Variants in RC3H2 observed in about 807,000 individuals in gnomAD.
The protein encoded by RC3H2 is ring finger and CCCH-type domains 2.
Under a neutral mutation model 133.3 loss-of-function variants are expected in RC3H2, and 31 were observed. The ratio of observed to expected loss-of-function variants is 0.23; its 90% confidence interval spans 0.17 to 0.31. The LOEUF (loss-of-function observed/expected upper bound fraction) is 0.31. Among genes scored for constraint, RC3H2 ranks in the 10% least tolerant of loss-of-function variants. RC3H2 has a pLI of 1.00. For synonymous variants in RC3H2, 517 were observed against 502.2 expected (o/e 1.03, Z -0.40); for missense variants, 1,175 against 1,437.2 (o/e 0.82, Z 2.95).
At chr9:122,863,404 C>A (rs1830529107) in intron 10 of RC3H2, among the ~76,000 whole-genome samples, 1 of 152,184 alleles carries the variant, frequency 6.6e-6, no homozygotes, top group Non-Finnish European at 1.5e-5. Flanking sequence ...TTATACCAGT[C>A]CCTAATATAA....
rs1447564971 is a variant in RC3H2, at chr9:122,879,974, T to C, written c.1093+19A>G. 6.2e-7 allele frequency: 1 copy of C among 1,613,780 alleles called. No individual in the cohort carries two copies. Among genetic ancestry groups the C allele is most frequent in the Non-Finnish European group, 8.5e-7 (1 of 1,179,866 alleles). ...AAAAGTAGAAAAAAATATAAGCAAC[T>C]GAGCATATTCCCACATACCTGGATT... On this transcript the variant is annotated intron_variant, in intron 7 of 20. Coordinates refer to ENST00000357244, the MANE Select transcript of RC3H2 (RefSeq NM_001100588.3).
intron 8 of RC3H2, among the ~76,000 whole-genome samples, 194 bp from the exon 9 acceptor site, chr9:122,877,777 C>T (rs2792997): frequency 0.97 from 147,508 of 152,340 alleles, 71,600 homozygotes; most frequent in East Asian, 1. Flanking sequence ...ATTGGCACTT[C>T]AGATATTCCT....
intron 2 of RC3H2, among the ~76,000 whole-genome samples, chr9:122,895,325 G>C (rs1832373076): frequency 6.6e-6 from 1 of 151,970 alleles, no homozygotes; most frequent in Non-Finnish European, 1.5e-5. Context: ...ACACCACCAT[G>C]CCTGACTAAT....
chr9:122,860,218 C>T (rs1830404484), intron 10 of RC3H2, 87 bp from the exon 11 acceptor site: 1 of 979,022 alleles, frequency 1.0e-6, no homozygotes, highest in East Asian at 2.5e-5. Flanking sequence ...AAATTATATT[C>T]TGAAACCACT....
chr9:122,860,693 C>T (rs1830424608), intron 10 of RC3H2, among the ~76,000 whole-genome samples: 1 of 151,814 alleles, frequency 6.6e-6, no homozygotes, highest in Admixed American at 6.6e-5. Flanking sequence ...GCATTACAGG[C>T]ATCAGCCACC....
rs959865251 is a variant in RC3H2 at position 122,858,898 on chromosome 9, G to A, written c.2054C>T (p.Pro685Leu). 2.5e-6 allele frequency: 4 copies of A among 1,614,148 alleles called. No individual in the cohort carries two copies. Among genetic ancestry groups the A allele is most frequent in the African/African-American group, 1.3e-5 (1 of 74,946 alleles). The change falls in exon 12 of 21, where the codon CCA (proline) becomes CTA (leucine). Residue 685 changes from proline to leucine, a missense_variant. Physicochemically the swap from Pro to Leu is moderately conservative, Grantham distance 98 (BLOSUM62 -3). Transcript: ENST00000357244. ...PPPQPYGPVP[P>L]VPSGMYAPVY... ...AGGAGCATACATTCCAGAAGGTACT[G>A]GAGGAACTGGTCCATACGGCTGCGG...
At chr9:122,863,431 G>C (rs1023748068) in intron 10 of RC3H2, among the ~76,000 whole-genome samples, 1 of 152,046 alleles carries the variant, frequency 6.6e-6, no homozygotes, top group Non-Finnish European at 1.5e-5. Context: ...AGATCTAAAA[G>C]ACTGGTCTCC....
Position 122,865,540 on chromosome 9 carries a change from T to C in RC3H2, c.1443A>G (p.Gly481=), listed in dbSNP as rs766723375. 8 of 1,614,118 alleles carry C rather than the reference T, an allele frequency of 5.0e-6. No individual in the cohort carries two copies. The East Asian group carries it at 1.3e-4, about 27-fold the overall frequency. ...TTAGNVISVI[G]STETTGKIVP... is the part of the protein sequence containing the mutation. ...CAATTTTCCCTGTTGTTTCAGTACT[T>C]CCTATGACAGAAATGACATTTCCGG... is the stretch of plus-strand genomic sequence containing the variant. The change falls in exon 10 of 21, where the codon GGA becomes GGG. Residue 481 remains glycine (G), a synonymous_variant. Coordinates refer to ENST00000357244, the MANE Select transcript of RC3H2 (RefSeq NM_001100588.3).
chr9:122,905,125 C>T lies in RC3H2; in HGVS notation c.-83G>A. On this transcript the variant is annotated 5_prime_UTR_variant, in exon 1 of 21. Coordinates refer to ENST00000357244, the MANE Select transcript of RC3H2 (RefSeq NM_001100588.3). ...CCCGCCCTACCTGAGGGGGCCCGGG[C>T]GGGGTCGCTAAGGGCCGCTCCCGGG... is the stretch of plus-strand genomic sequence containing the variant. The T allele has an allele frequency of 1.0e-6, 1 of 985,370 alleles. No homozygotes were observed. The highest frequency in any genetic ancestry group is 1.2e-6 in the Non-Finnish European group (1 of 829,906). The allele number at this position is 985,370 out of a possible 1,614,324, so 61.0% of individuals were successfully genotyped here. A position where few individuals can be genotyped will look rare whatever the true frequency, so the allele number is the denominator to read the frequency against.
intron 2 of RC3H2, among the ~76,000 whole-genome samples, chr9:122,894,300 T>C (rs1832326181): frequency 6.6e-6 from 1 of 151,936 alleles, no homozygotes; most frequent in Non-Finnish European, 1.5e-5. Flanking sequence ...AATAATTATA[T>C]TTATGGAGTG....
chr9:122,853,855 T>C (rs766252718), intron 18 of RC3H2, 97 bp downstream of exon 18: 31 of 1,609,526 alleles, frequency 1.9e-5, no homozygotes, highest in Middle Eastern at 1.6e-4. Flanking sequence ...CCATCAGAGA[T>C]AGGCACACCA....
chr9:122,880,000 A>G lies in RC3H2; in HGVS notation c.1086T>C (p.Pro362=). Residue 362 remains proline (P), a synonymous_variant, in exon 7 of 21, where the codon CCT becomes CCC. Coordinates refer to ENST00000357244, the MANE Select transcript of RC3H2 (RefSeq NM_001100588.3). ...PHLELLANID[P]NPDAVSPTWE... is the part of the protein sequence containing the mutation. ...GAGCATATTCCCACATACCTGGATTAGGGTCTATGTTTGCAAGAAGCTCTA... is the reference window on the plus strand; with the variant it reads ...GAGCATATTCCCACATACCTGGATTGGGGTCTATGTTTGCAAGAAGCTCTA... 1 of 1,614,200 alleles carries G rather than the reference A, an allele frequency of 6.2e-7. No individual in the cohort carries two copies. Among genetic ancestry groups the G allele is most frequent in the Non-Finnish European group, 8.5e-7 (1 of 1,180,040 alleles).
At chr9:122,858,225 T>C in intron 12 of RC3H2, 132 bp from the exon 13 acceptor site, 1 of 747,396 alleles carries the variant, frequency 1.3e-6, no homozygotes, top group Non-Finnish European at 2.2e-6. Flanking sequence ...CACCCTAGTC[T>C]ATTCTCCATA....
chr9:122,890,198 T>C (rs1832103905), intron 4 of RC3H2, 114 bp downstream of exon 4: 2 of 751,260 alleles, frequency 2.7e-6, no homozygotes, highest in Non-Finnish European at 4.5e-6. Flanking sequence ...TTTAATTATA[T>C]CAAGATTTGT....
chr9:122,853,052 C>T (rs1350128897), intron 18 of RC3H2, among the ~76,000 whole-genome samples: 3 of 152,102 alleles, frequency 2.0e-5, no homozygotes, highest in African/African-American at 7.2e-5. Context: ...AATTCTTCTG[C>T]CTTGGGATCC....
At position 122,851,485 on chromosome 9, in the gene RC3H2, T is replaced by C. The variant is rs765290342; in HGVS notation, c.3118-49A>G. 20 of 1,583,686 alleles carry C rather than the reference T, an allele frequency of 1.3e-5. No individual in the cohort carries two copies. In the Admixed American group the frequency reaches 2.1e-4, roughly 16 times the overall value. On this transcript the variant is annotated intron_variant, in intron 18 of 20. Coordinates refer to ENST00000357244, the MANE Select transcript of RC3H2 (RefSeq NM_001100588.3). ...CTCCCTCTCCCTCTCCCTCTCCCCA[T>C]GGTCTCCCTCTCCCCATGGTCTCCC...
intron 10 of RC3H2, among the ~76,000 whole-genome samples, chr9:122,862,593 A>AT (rs1830498577): frequency 6.6e-6 from 1 of 152,066 alleles, no homozygotes; most frequent in Non-Finnish European, 1.5e-5. Context: ...ATTTAGATTT[A>AT]TTTTTTAAAA....
intron 6 of RC3H2, 120 bp from the exon 7 acceptor site, chr9:122,880,245 G>A (rs779238710): frequency 1.8e-6 from 2 of 1,117,748 alleles, no homozygotes; most frequent in South Asian, 1.2e-5. Context: ...TCCACAGTAG[G>A]AGTATCAGTG....
chr9:122,864,492 C>T (rs1444840316), intron 10 of RC3H2, among the ~76,000 whole-genome samples: 1 of 152,026 alleles, frequency 6.6e-6, no homozygotes, highest in African/African-American at 2.4e-5. Context: ...GAAGTTGACA[C>T]CATTATAATT....
Sources: allele counts gnomAD v4.1 joint callset (sites outside exome capture counted in the v4.1 genomes callset), GRCh38; gene constraint gnomAD v4.1.1; transcripts MANE v1.5; gene names NCBI Gene and HGNC (gene_info 2026-07-23, HGNC 2026-07-21).